Variants in LYPD6B observed in about 807,000 individuals in gnomAD.
LYPD6B encodes ly6/PLAUR domain-containing protein 6B.
A neutral mutation model predicts 22.8 loss-of-function variants in LYPD6B; 17 were observed. The observed-to-expected ratio is 0.75, with a 90% CI of 0.51 to 1.12. LYPD6B has a LOEUF of 1.12. Among genes scored for constraint, LYPD6B ranks in the 50% most tolerant of loss-of-function variants. LYPD6B has a pLI of 0.00. For synonymous variants in LYPD6B, 106 were observed against 91.6 expected (o/e 1.16, Z -0.90); for missense variants, 221 against 258.3 (o/e 0.86, Z 0.99).
At chr2:149,131,189 A>T in intron 2 of LYPD6B, 1 of 471,736 alleles carries the variant, frequency 2.1e-6, no homozygotes, top group South Asian at 3.6e-5. Flanking sequence ...GTGTCTCAGA[A>T]TGTTTTGATG....
intron 1 of LYPD6B, among the ~76,000 whole-genome samples, chr2:149,069,083 C>CT (rs1298286993): frequency 0.02 from 2,887 of 141,142 alleles, 37 homozygotes; most frequent in South Asian, 0.045. Flanking sequence ...ATTATGTAGA[C>CT]TTTTTTTTTT....
rs1001812356 is a variant in LYPD6B at position 149,189,355 on chromosome 2, T to C, written c.78-15898T>C. On this transcript the variant is annotated intron_variant, in intron 3 of 6. Coordinates refer to ENST00000409642, the MANE Select transcript of LYPD6B (RefSeq NM_177964.5). ...ATTTGTCCAAAATTATATATATATA[T>C]ATATATATATATACACACACATATG... is the stretch of plus-strand genomic sequence containing the variant. Among the ~76,000 whole-genome samples the C allele has an allele frequency of 9.0e-5, 10 of 111,344 alleles. 1 individual carries two copies. The highest frequency in any genetic ancestry group is 3.9e-4 in the South Asian group (1 of 2,580). 73.0% of individuals were successfully genotyped at this position (111,344 alleles called of 152,430 possible).
intron 3 of LYPD6B, among the ~76,000 whole-genome samples, chr2:149,175,509 C>T (rs2105954657): frequency 6.6e-6 from 1 of 152,100 alleles, no homozygotes; most frequent in African/African-American, 2.4e-5. Context: ...TATACTTAGG[C>T]TACACTAAAT....
At chr2:149,112,727 A>C (rs1686818443) in intron 1 of LYPD6B, among the ~76,000 whole-genome samples, 1 of 152,138 alleles carries the variant, frequency 6.6e-6, no homozygotes, top group African/African-American at 2.4e-5. Flanking sequence ...ATTCCTTCAA[A>C]CTTTTTGTCT....
chr2:149,088,043 A>G lies in LYPD6B; in HGVS notation c.-66-42840A>G, dbSNP rs924084412. Among the ~76,000 whole-genome samples the G allele has an allele frequency of 4.9e-4, 74 of 152,000 alleles. 1 individual carries two copies. The highest frequency in any genetic ancestry group is 4.7e-3 in the Admixed American group (72 of 15,258). ...CCATCCACATTCGGCCTTCATAAAC[A>G]CAGGATTCGTATCTCCTTGCTCCCT... is the stretch of plus-strand genomic sequence containing the variant. On this transcript the variant is annotated intron_variant, in intron 1 of 6. Coordinates refer to ENST00000409642, the MANE Select transcript of LYPD6B (RefSeq NM_177964.5).
intron 1 of LYPD6B, among the ~76,000 whole-genome samples, chr2:149,120,815 C>A (rs1483145844): frequency 1.9e-5 from 2 of 105,702 alleles, no homozygotes; most frequent in Non-Finnish European, 3.4e-5. Context: ...TGTGAGACAG[C>A]GTCTTGCTCT....
intron 1 of LYPD6B, among the ~76,000 whole-genome samples, chr2:149,128,097 A>G (rs1053032546): frequency 1.3e-5 from 2 of 152,204 alleles, no homozygotes; most frequent in African/African-American, 2.4e-5. Flanking sequence ...GATTTCTTAA[A>G]AGAAAAAACA....
intron 1 of LYPD6B, among the ~76,000 whole-genome samples, chr2:149,120,339 G>A (rs200163717): frequency 1.8e-5 from 2 of 112,032 alleles, no homozygotes; most frequent in African/African-American, 7.8e-5. Context: ...ATATATATGT[G>A]TATATATATA....
At chr2:149,120,385 T>TATA (rs56118666) in intron 1 of LYPD6B, among the ~76,000 whole-genome samples, 1,035 of 54,354 alleles carry the variant, frequency 0.019, 6 homozygotes, top group South Asian at 0.028. Flanking sequence ...ATATATATAT[T>TATA]TTTTTTTTTT....
intron 1 of LYPD6B, among the ~76,000 whole-genome samples, chr2:149,048,557 A>T (rs1574870512): frequency 6.6e-6 from 1 of 152,186 alleles, no homozygotes. Context: ...GTCCAGGTAC[A>T]TCTGCCTCAA....
chr2:149,153,958 A>G, intron 2 of LYPD6B: 1 of 317,042 alleles, frequency 3.2e-6, no homozygotes, highest in Non-Finnish European at 4.6e-6. Context: ...TTGGGGAGCA[A>G]CAAGGTGAGA....
intron 1 of LYPD6B, among the ~76,000 whole-genome samples, chr2:149,122,231 TC>T (rs1445085712): frequency 6.6e-6 from 1 of 152,088 alleles, no homozygotes; most frequent in Non-Finnish European, 1.5e-5. Context: ...CGAGATCGTG[TC>T]ACAAGTCTGT....
intron 2 of LYPD6B, among the ~76,000 whole-genome samples, chr2:149,147,943 T>TGTGTGTGTGTGTGTGTGTG (rs1553490159): frequency 6.6e-6 from 1 of 151,692 alleles, no homozygotes; most frequent in Admixed American, 6.6e-5. Context: ...TGTGTGTGTA[T>TGTGTGTGTGTGTGTGTGTG]AGTCAGAGAT....
At chr2:149,161,680 C>A (rs1329412590) in intron 3 of LYPD6B, among the ~76,000 whole-genome samples, 3 of 152,104 alleles carry the variant, frequency 2.0e-5, no homozygotes, top group Non-Finnish European at 4.4e-5. Context: ...AACAGGCCTC[C>A]CACTTTGCAT....
intron 2 of LYPD6B, among the ~76,000 whole-genome samples, chr2:149,152,091 G>A (rs1167534572): frequency 1.3e-5 from 2 of 151,922 alleles, no homozygotes; most frequent in African/African-American, 2.4e-5. Flanking sequence ...CTTTTCAAAA[G>A]CTTTCTTTTC....
chr2:149,044,535 G>A (rs931498151), intron 1 of LYPD6B, among the ~76,000 whole-genome samples: 7 of 151,992 alleles, frequency 4.6e-5, no homozygotes, highest in Non-Finnish European at 1.0e-4. Flanking sequence ...TGTGAATAGA[G>A]ACAGTTTTAT....
At chr2:149,127,410 A>T (rs1370699836) in intron 1 of LYPD6B, among the ~76,000 whole-genome samples, 3 of 152,128 alleles carry the variant, frequency 2.0e-5, no homozygotes, top group African/African-American at 7.2e-5. Context: ...TGCATTAGTA[A>T]CCTTTAAGGA....
At chr2:149,193,128 G>A (rs148034408) in intron 3 of LYPD6B, among the ~76,000 whole-genome samples, 1 of 152,204 alleles carries the variant, frequency 6.6e-6, no homozygotes, top group East Asian at 1.9e-4. Context: ...TAGGGTCATC[G>A]GTGCTTCCCC....
At chr2:149,079,197 T>A (rs1574928266) in intron 1 of LYPD6B, among the ~76,000 whole-genome samples, 1 of 151,964 alleles carries the variant, frequency 6.6e-6, no homozygotes, top group Non-Finnish European at 1.5e-5. Flanking sequence ...TCTCCAAGGG[T>A]CTAACTTTGG....
Sources: allele counts gnomAD v4.1 joint callset (sites outside exome capture counted in the v4.1 genomes callset), GRCh38; gene constraint gnomAD v4.1.1; transcripts MANE v1.5; gene names NCBI Gene and HGNC (gene_info 2026-07-23, HGNC 2026-07-21).